The following ELFN1 variants were observed in gnomAD, a reference collection of about 807,000 sequenced individuals.
ELFN1 encodes extracellular leucine rich repeat and fibronectin type III domain containing 1, also known as protein ELFN1.
A neutral mutation model predicts 7.6 loss-of-function variants in ELFN1; 6 were observed. That is an observed-to-expected ratio of 0.79 (90% CI 0.43 to 1.56). The LOEUF (loss-of-function observed/expected upper bound fraction) is 1.56, where lower values mean the gene tolerates loss of function less well. Among genes scored for constraint, ELFN1 ranks in the 40% most tolerant of loss-of-function variants. The pLI is 0.01. For synonymous variants in ELFN1, 657 were observed against 588.1 expected, an observed-to-expected ratio of 1.12 and a Z score of -1.70; for missense variants, 1,169 against 1,232.2, an observed-to-expected ratio of 0.95 and a Z score of 0.77.
chr7:1,697,546 G>A (rs1215202610), intron 2 of ELFN1, among the ~76,000 whole-genome samples: 2 of 152,236 alleles, frequency 1.3e-5, no homozygotes, highest in African/African-American at 2.4e-5. Context: ...CTTCCCACTG[G>A]CCTTGTCTTA....
At chr7:1,716,801 C>G (rs1322902391) in intron 3 of ELFN1, among the ~76,000 whole-genome samples, 1 of 152,142 alleles carries the variant, frequency 6.6e-6, no homozygotes, top group Non-Finnish European at 1.5e-5. Context: ...AACTGGAGGG[C>G]CTGGGGAGGA....
At chr7:1,676,643 G>A (rs538532647) in intron 1 of ELFN1, among the ~76,000 whole-genome samples, 22 of 152,346 alleles carry the variant, frequency 1.4e-4, no homozygotes, top group South Asian at 1.0e-3. Flanking sequence ...CGGTCCCTGC[G>A]TCCCTCTGTG....
rs1391252472 is a variant in ELFN1 at position 1,673,935 on chromosome 7, G to A, written c.-549+3581G>A. Among the ~76,000 whole-genome samples, 1 of 152,214 alleles carries A rather than the reference G, an allele frequency of 6.6e-6. No homozygotes were observed. The highest frequency in any genetic ancestry group is 2.4e-5 in the African/African-American group (1 of 41,454). On this transcript the variant is annotated intron_variant, in intron 1 of 3. Coordinates refer to ENST00000424383, the MANE Select transcript of ELFN1 (RefSeq NM_001128636.4). The surrounding 1 kb of genome is among the most constrained non-coding windows in gnomAD (Gnocchi z 4.7). Reference sequence around the variant, plus strand: ...AAGAGCTGGAACCCAGGCTGAGGCAGGAGGGGGTCCAGCAGGGCTTGAGGG... The same window carrying A: ...AAGAGCTGGAACCCAGGCTGAGGCAAGAGGGGGTCCAGCAGGGCTTGAGGG...
intron 2 of ELFN1, among the ~76,000 whole-genome samples, chr7:1,699,794 C>G (rs1330935462): frequency 2.0e-5 from 3 of 152,208 alleles, no homozygotes; most frequent in African/African-American, 7.2e-5. Context: ...ACCTCCGCCT[C>G]CCAGGTTCAA....
upstream of ELFN1, among the ~76,000 whole-genome samples, chr7:1,669,131 A>C (rs1455606146): frequency 2.8e-4 from 42 of 152,252 alleles, no homozygotes; most frequent in Admixed American, 2.7e-3. Context: ...CAGCCGGGCT[A>C]GGCCGGTCCA....
chr7:1,725,396 G>A (rs1342710570), intron 3 of ELFN1, among the ~76,000 whole-genome samples: 1 of 152,116 alleles, frequency 6.6e-6, no homozygotes, highest in Non-Finnish European at 1.5e-5. Flanking sequence ...GCCGGTGACA[G>A]GTGCGTGTGT....
Position 1,720,935 on chromosome 7 carries a change from T to G in ELFN1, c.-294+11683T>G, listed in dbSNP as rs141809549. Among the ~76,000 whole-genome samples, 48 of 152,330 alleles carry G rather than the reference T, an allele frequency of 3.2e-4. No homozygotes were observed. In the East Asian group the frequency reaches 8.3e-3, roughly 26 times the overall value. ...CCTGCCTGGGCCCAGGTCCCAGCTGTGTCCCTTACCAACGTGTCCCTTGCA... is the reference window on the plus strand; with the variant it reads ...CCTGCCTGGGCCCAGGTCCCAGCTGGGTCCCTTACCAACGTGTCCCTTGCA... On this transcript the variant is annotated intron_variant, in intron 3 of 3. Coordinates refer to ENST00000424383, the MANE Select transcript of ELFN1 (RefSeq NM_001128636.4).
At chr7:1,672,544 T>C (rs1288879163) in intron 1 of ELFN1, among the ~76,000 whole-genome samples, 2 of 152,234 alleles carry the variant, frequency 1.3e-5, no homozygotes, top group East Asian at 1.9e-4. Context: ...GACTAAAATA[T>C]GACCACAGTG....
In ELFN1 at chr7:1,744,857, G is replaced by C; in HGVS notation, c.261G>C (p.Thr87=). 6.4e-7 allele frequency: 1 copy of C among 1,574,392 alleles called. No homozygotes were observed. Among genetic ancestry groups the C allele is most frequent in the Non-Finnish European group, 8.6e-7 (1 of 1,159,168 alleles). The change falls in exon 4 of 4, where the codon ACG becomes ACC. Residue 87 remains threonine, a synonymous_variant. Transcript: ENST00000424383. ...YASLSRFGNL[T]YLNLTKNEIG... is the part of the protein sequence containing the mutation. ...CGCTCAGCCGCTTTGGCAACCTCAC[G>C]TACCTCAACCTCACCAAGAACGAGA...
chr7:1,696,817 G>C (rs1356060055), intron 2 of ELFN1, among the ~76,000 whole-genome samples: 2 of 152,196 alleles, frequency 1.3e-5, no homozygotes, highest in Non-Finnish European at 2.9e-5. Context: ...CCGGGGGCCA[G>C]GGCTTCATCC....
In ELFN1 at chr7:1,736,493, G is replaced by A. The variant is rs547190732; in HGVS notation, c.-293-7811G>A. 2.0e-5 allele frequency among the ~76,000 whole-genome samples: 3 copies of A among 152,362 alleles called. No homozygotes were observed. The East Asian group carries it at 5.8e-4, about 29-fold the overall frequency. ...AAATTCAGTCGTAAGAAGTTTAAAA[G>A]CCTGGAACCACCATATTTCTTGATT... On this transcript the variant is annotated intron_variant, in intron 3 of 3. Transcript: ENST00000424383.
rs1041507240 is a variant in ELFN1, at chr7:1,744,764, G to A, written c.168G>A (p.Gln56=). The change falls in exon 4 of 4, where the codon CAG becomes CAA. Residue 56 remains glutamine (Q), a synonymous_variant. Transcript: ENST00000424383. ...AACCCCCCTACGAGGCCATCCCACA[G>A]CAGATCAACAGCACCATCGTGGACC... ...QNQPPYEAIP[Q]QINSTIVDLR... is the part of the protein sequence containing the mutation. The A allele has an allele frequency of 6.4e-7, 1 of 1,554,642 alleles. No homozygotes were observed. Among genetic ancestry groups the A allele is most frequent in the African/African-American group, 1.4e-5 (1 of 73,216 alleles).
At chr7:1,698,683 C>T (rs1025312946) in intron 2 of ELFN1, among the ~76,000 whole-genome samples, 6 of 152,200 alleles carry the variant, frequency 3.9e-5, no homozygotes, top group Admixed American at 1.3e-4. Flanking sequence ...GTGGCTCCAC[C>T]ATGCAAGAGA....
At chr7:1,728,797 A>G (rs1780261600) in intron 3 of ELFN1, among the ~76,000 whole-genome samples, 1 of 152,098 alleles carries the variant, frequency 6.6e-6, no homozygotes, top group Non-Finnish European at 1.5e-5. Context: ...ATCCAGCTCC[A>G]CCCGGGTCCC....
chr7:1,733,004 G>T (rs1001747141), intron 3 of ELFN1, among the ~76,000 whole-genome samples: 2 of 152,082 alleles, frequency 1.3e-5, no homozygotes, highest in Non-Finnish European at 2.9e-5. Flanking sequence ...GGGTTCAAGC[G>T]ATTCTCCTGC....
chr7:1,667,000 G>C (rs62435466), upstream of ELFN1, among the ~76,000 whole-genome samples: 4,304 of 152,184 alleles, frequency 0.028, 93 homozygotes, highest in Middle Eastern at 0.075. This position sits in a 1 kb window ranked among gnomAD's most constrained non-coding sequence, Gnocchi z 7.9. Context: ...GCTGGGCTGG[G>C]CTGCCGAGTG....
chr7:1,712,427 C>CT (rs72490826), intron 3 of ELFN1, among the ~76,000 whole-genome samples: 85 of 136,380 alleles, frequency 6.2e-4, no homozygotes, highest in African/African-American at 1.4e-3. Context: ...GCCTTCTTTC[C>CT]TTTTTTTTTT....
chr7:1,743,622 A>C (rs1780691471), intron 3 of ELFN1, among the ~76,000 whole-genome samples: 1 of 152,096 alleles, frequency 6.6e-6, no homozygotes, highest in African/African-American at 2.4e-5. Context: ...CCTGGCAGAC[A>C]CGAGTCCCCG....
At chr7:1,684,734 A>G (rs1236247908) in intron 1 of ELFN1, among the ~76,000 whole-genome samples, 1 of 152,186 alleles carries the variant, frequency 6.6e-6, no homozygotes, top group Non-Finnish European at 1.5e-5. Flanking sequence ...ACTTTACTCC[A>G]ACATAGCTCA....
Sources: allele counts gnomAD v4.1 joint callset (sites outside exome capture counted in the v4.1 genomes callset), GRCh38; gene constraint gnomAD v4.1.1; non-coding constraint Gnocchi (gnomAD v3.1); transcripts MANE v1.5; gene names NCBI Gene and HGNC (gene_info 2026-07-23, HGNC 2026-07-21).